ITPRID1: variants seen among roughly 807,000 people sequenced by gnomAD.
The protein encoded by ITPRID1 is ITPR interacting domain containing 1.
ITPRID1 carries 96 observed loss-of-function variants against 95.4 expected under a neutral mutation model. The observed-to-expected ratio is 1.01, with a 90% CI of 0.85 to 1.19. ITPRID1 has a LOEUF of 1.19. ITPRID1 is among the 50% of genes most tolerant of loss of function. ITPRID1 has a pLI of 0.00. For missense variants in ITPRID1, 1,339 were observed against 1,252.9 expected, an observed-to-expected ratio of 1.07 and a Z score of -1.04; for synonymous variants, 510 against 453.6, an observed-to-expected ratio of 1.12 and a Z score of -1.58.
rs1351840940 is a variant in ITPRID1 at position 31,550,874 on chromosome 7, AC to A, written c.-24+1377del. Among the ~76,000 whole-genome samples, 10 of 143,068 alleles carry A rather than the reference AC, an allele frequency of 7.0e-5. 3 individuals carry two copies. The highest frequency in any genetic ancestry group is 4.9e-4 in the Admixed American group (7 of 14,220). The allele number at this position is 143,068 out of a possible 152,430, so 93.9% of individuals were successfully genotyped here. On this transcript the variant is annotated intron_variant, in intron 2 of 14. Transcript: ENST00000615280. ...GACGTACAAATAAAGCAGCACTTTT[AC>A]CTAAAATTTTAACAATTTTCTCCAG...
At chr7:31,617,519 C>T (rs1407262381) in intron 10 of ITPRID1, among the ~76,000 whole-genome samples, 3 of 152,036 alleles carry the variant, frequency 2.0e-5, no homozygotes, top group African/African-American at 7.2e-5. Context: ...AAAACAACTT[C>T]ATTGTGAGTG....
intron 1 of ITPRID1, among the ~76,000 whole-genome samples, chr7:31,537,619 AC>A (rs1431571971): frequency 6.6e-6 from 1 of 152,124 alleles, no homozygotes; most frequent in Non-Finnish European, 1.5e-5. Flanking sequence ...AGAGACTGTT[AC>A]CTGCTTTTTA....
Position 31,654,053 on chromosome 7 carries a change from C to CAA in ITPRID1, c.*1242_*1243dup, listed in dbSNP as rs70986698. The stretch of plus-strand genomic sequence containing the variant: ...GAAAGAGTTGGATGAAGAGTAAGTC[C>CAA]AAAAAAAAAAAAAAAAAAACCAACA... On this transcript the variant is annotated 3_prime_UTR_variant, in exon 15 of 15. Transcript: ENST00000615280. Among the ~76,000 whole-genome samples, 4 of 130,366 alleles carry CAA rather than the reference C, an allele frequency of 3.1e-5. No homozygotes were observed. The highest frequency in any genetic ancestry group is 8.5e-5 in the African/African-American group (3 of 35,302). 85.5% of individuals were successfully genotyped at this position (130,366 alleles called of 152,430 possible).
At chr7:31,520,556 TGTGTGTGTGAGAGAGA>T (rs60290470) in intron 1 of ITPRID1, among the ~76,000 whole-genome samples, 18,743 of 105,464 alleles carry the variant, frequency 0.18, 1,265 homozygotes, top group East Asian at 0.33. Flanking sequence ...TGTGTGTGTG[TGTGTGTGTGAGAGAGA>T]GAGAGAGAGT....
intron 10 of ITPRID1, among the ~76,000 whole-genome samples, chr7:31,603,882 G>A (rs990144623): frequency 6.6e-6 from 1 of 152,046 alleles, no homozygotes; most frequent in Non-Finnish European, 1.5e-5. Context: ...ATCTTTCAAG[G>A]TCTTAGTGCG....
intron 10 of ITPRID1, among the ~76,000 whole-genome samples, chr7:31,614,545 A>G (rs756386421): frequency 2.8e-4 from 42 of 152,320 alleles, no homozygotes; most frequent in South Asian, 8.3e-4. Context: ...TGAATGCAGT[A>G]ATTTTCTCCT....
At chr7:31,544,630 A>G (rs531972024) in intron 1 of ITPRID1, among the ~76,000 whole-genome samples, 1 of 152,242 alleles carries the variant, frequency 6.6e-6, no homozygotes, top group African/African-American at 2.4e-5. Flanking sequence ...TAAGATGCAT[A>G]TTACATTCTG....
At chr7:31,546,281 G>A (rs1387112945) in intron 1 of ITPRID1, among the ~76,000 whole-genome samples, 1 of 152,028 alleles carries the variant, frequency 6.6e-6, no homozygotes, top group East Asian at 1.9e-4. Flanking sequence ...TAGCTGTTGG[G>A]AGGCACATAA....
At chr7:31,527,974 G>C (rs899981413) in intron 1 of ITPRID1, among the ~76,000 whole-genome samples, 5 of 152,042 alleles carry the variant, frequency 3.3e-5, no homozygotes, top group Admixed American at 3.3e-4. Flanking sequence ...TTGTTTCATG[G>C]ACCACTATAT....
rs763063109 is a variant in ITPRID1 at position 31,551,830 on chromosome 7, A to T, written c.-23-1172A>T. On this transcript the variant is annotated intron_variant, in intron 2 of 14. Transcript: ENST00000615280. ...ATGCATTAAGTTTAGGGATCCTAGAAATGCTACTGAAGTAAGTGTTTGGCT... is the reference window on the plus strand; with the variant it reads ...ATGCATTAAGTTTAGGGATCCTAGATATGCTACTGAAGTAAGTGTTTGGCT... 4 of 373,662 alleles carry T rather than the reference A, an allele frequency of 1.1e-5. 1 individual carries two copies. The highest frequency in any genetic ancestry group is 2.2e-5 in the Non-Finnish European group (4 of 184,114). The allele number at this position is 373,662 out of a possible 1,614,324, so 23.1% of individuals were successfully genotyped here.
chr7:31,622,323 C>G (rs1403501632), intron 10 of ITPRID1, among the ~76,000 whole-genome samples: 1 of 151,720 alleles, frequency 6.6e-6, no homozygotes, highest in Non-Finnish European at 1.5e-5. Flanking sequence ...AGCACCACAC[C>G]ACACCTATTC....
At position 31,583,135 on chromosome 7, in the gene ITPRID1, T is replaced by C; in HGVS notation, c.1172T>C (p.Val391Ala). ...CATTGATGCATTTTGATATCTTAGG[T>C]CCAAAGCTTTGAAGAAGAGACTGGT... ...KGPDSFEMEE[V>A]QSFEEETGNP... Residue 391 changes from valine (V) to alanine (A), a missense_variant and splice_region_variant, in exon 10 of 15, where the codon GTC (valine) becomes GCC (alanine). Val to Ala is a moderately conservative substitution (Grantham distance 64). Transcript: ENST00000615280. The C allele has an allele frequency of 6.2e-7, 1 of 1,609,200 alleles. No homozygotes were observed. The highest frequency in any genetic ancestry group is 1.1e-5 in the South Asian group (1 of 90,646).
chr7:31,606,848 A>G (rs1266525369), intron 10 of ITPRID1, among the ~76,000 whole-genome samples: 2 of 152,118 alleles, frequency 1.3e-5, no homozygotes, highest in African/African-American at 4.8e-5. Context: ...ATGCCTTTCA[A>G]TATCTTCTCA....
chr7:31,628,672 G>A (rs922914500), intron 10 of ITPRID1, among the ~76,000 whole-genome samples: 3 of 152,008 alleles, frequency 2.0e-5, no homozygotes, highest in Non-Finnish European at 4.4e-5. Flanking sequence ...TAGCCAGGAT[G>A]GTCTCAATCT....
chr7:31,632,485 G>T (rs990560974), intron 10 of ITPRID1, among the ~76,000 whole-genome samples: 2 of 152,058 alleles, frequency 1.3e-5, no homozygotes, highest in African/African-American at 4.8e-5. Context: ...ATCCATGACA[G>T]GATGGAACCA....
chr7:31,590,489 TATA>T, intron 10 of ITPRID1, among the ~76,000 whole-genome samples: 1 of 152,324 alleles, frequency 6.6e-6, no homozygotes, highest in Non-Finnish European at 1.5e-5. Context: ...CTAAAAAAGA[TATA>T]TATCTGATAC....
At position 31,614,110 on chromosome 7, in the gene ITPRID1, A is replaced by G. The variant is rs181324405; in HGVS notation, c.1229-28066A>G. Among the ~76,000 whole-genome samples the G allele has an allele frequency of 2.3e-4, 35 of 152,286 alleles. No homozygotes were observed. In the East Asian group the frequency reaches 6.2e-3, roughly 27 times the overall value. ...CAAAGTTTAAGAACTCCTTCCCTCTACCACACAATGTTCTTTACCCCAGAT... is the reference window on the plus strand; with the variant it reads ...CAAAGTTTAAGAACTCCTTCCCTCTGCCACACAATGTTCTTTACCCCAGAT... On this transcript the variant is annotated intron_variant, in intron 10 of 14. Transcript: ENST00000615280.
intron 1 of ITPRID1, among the ~76,000 whole-genome samples, chr7:31,516,166 TAGA>T (rs1783034250): frequency 6.6e-6 from 1 of 152,296 alleles, no homozygotes; most frequent in South Asian, 2.1e-4. Context: ...AGAATAAGGC[TAGA>T]AGATTAATAA....
At chr7:31,582,872 T>C (rs777247709) in intron 9 of ITPRID1, among the ~76,000 whole-genome samples, 1 of 152,166 alleles carries the variant, frequency 6.6e-6, no homozygotes, top group African/African-American at 2.4e-5. Context: ...AATATTATTA[T>C]GTAAATTTCT....
Sources: gnomAD v4.1 joint callset for allele counts (sites outside exome capture counted in the v4.1 genomes callset) on GRCh38, gnomAD v4.1.1 for gene constraint, MANE v1.5 for transcripts, NCBI Gene and HGNC (gene_info 2026-07-23, HGNC 2026-07-21) for gene names.